The following NWD2 variants were observed in gnomAD, a reference collection of about 807,000 sequenced individuals.
NWD2 encodes the protein NACHT and WD repeat domain containing 2, also known as NACHT and WD repeat domain-containing protein 2.
In NWD2, 37 loss-of-function variants were observed where a neutral mutation model predicts 132.7. That is an observed-to-expected ratio of 0.28 (90% CI 0.21 to 0.37). The LOEUF (loss-of-function observed/expected upper bound fraction) is 0.37. NWD2 is among the 10% of genes least tolerant of loss of function. The pLI, the probability that NWD2 is intolerant of heterozygous loss-of-function variation, is 1.00. For synonymous variants in NWD2, 705 were observed against 803.0 expected, an observed-to-expected ratio of 0.88 and a Z score of 2.06; for missense variants, 1,592 against 2,122.4, an observed-to-expected ratio of 0.75 and a Z score of 4.91.
At chr4:37,324,848 T>C (rs1471969831) in intron 1 of NWD2, among the ~76,000 whole-genome samples, 1 of 152,076 alleles carries the variant, frequency 6.6e-6, no homozygotes, top group Non-Finnish European at 1.5e-5. Flanking sequence ...AGTAGGAAAA[T>C]AGAGTAGGTC....
At chr4:37,292,425 G>A (rs978180867) in intron 1 of NWD2, among the ~76,000 whole-genome samples, 4 of 152,208 alleles carry the variant, frequency 2.6e-5, no homozygotes, top group African/African-American at 7.2e-5. Context: ...TCTATGAAGC[G>A]GAGAGTGACC....
rs146446222 is a variant in NWD2 at position 37,249,998 on chromosome 4, G to A, written c.151+4780G>A. 5.7e-3 allele frequency among the ~76,000 whole-genome samples: 868 copies of A among 152,230 alleles called. 2 individuals carry two copies. Among genetic ancestry groups the A allele is most frequent in the Non-Finnish European group, 8.8e-3 (596 of 68,020 alleles). ...CTTGAACTTGCTTCCCCACACAAAA[G>A]GCAGACATATCTGCATTAAGAAATT... On this transcript the variant is annotated intron_variant, in intron 1 of 6. Transcript: ENST00000309447.
chr4:37,360,271 G>A (rs920513497), intron 3 of NWD2, among the ~76,000 whole-genome samples: 1 of 152,038 alleles, frequency 6.6e-6, no homozygotes, highest in African/African-American at 2.4e-5. Context: ...AACTTAAAAT[G>A]TAATTTATTT....
intron 3 of NWD2, among the ~76,000 whole-genome samples, chr4:37,362,670 G>A (rs1720003973): frequency 6.6e-6 from 1 of 152,056 alleles, no homozygotes; most frequent in Non-Finnish European, 1.5e-5. Flanking sequence ...AAATTAAGAT[G>A]GATTAAAGGT....
intron 3 of NWD2, among the ~76,000 whole-genome samples, chr4:37,394,801 T>TTTTTTTTTTTTTG (rs1720748941): frequency 1.3e-5 from 1 of 79,582 alleles, no homozygotes; most frequent in African/African-American, 4.2e-5. Flanking sequence ...CCTTTATGGT[T>TTTTTTTTTTTTTG]TTTTTTTTTT....
At position 37,446,516 on chromosome 4, in the gene NWD2, G is replaced by A. The variant is rs60116650; in HGVS notation, c.4528G>A (p.Asp1510Asn). The change falls in exon 7 of 7, where the codon GAT (aspartate) becomes AAT (asparagine). Residue 1510 changes from aspartate to asparagine, a missense_variant. Transcript: ENST00000309447. This position sits in a 1 kb window ranked among gnomAD's most constrained non-coding sequence, Gnocchi z 6.7. ...GACTGTGAACATCTGGAGTCTGACA[G>A]ATGAAGTGATCTGTCGGCGCGTGCA... is the stretch of plus-strand genomic sequence containing the variant. ...AETVNIWSLT[D>N]EVICRRVQLP... is the part of the protein sequence containing the mutation. 6.4e-7 allele frequency: 1 copy of A among 1,551,732 alleles called. No individual in the cohort carries two copies. The highest frequency in any genetic ancestry group is 8.7e-7 in the Non-Finnish European group (1 of 1,147,006).
intron 3 of NWD2, among the ~76,000 whole-genome samples, chr4:37,361,467 G>T (rs534262890): frequency 6.6e-6 from 1 of 151,992 alleles, no homozygotes; most frequent in Non-Finnish European, 1.5e-5. Flanking sequence ...ATCCAACAGC[G>T]CATCAAAAAG....
At chr4:37,417,297 A>T (rs1057355390) in intron 3 of NWD2, among the ~76,000 whole-genome samples, 2 of 152,118 alleles carry the variant, frequency 1.3e-5, no homozygotes, top group Non-Finnish European at 2.9e-5. Flanking sequence ...ATGGAATATC[A>T]CAGTTATACA....
chr4:37,415,355 C>A (rs917157054), intron 3 of NWD2, among the ~76,000 whole-genome samples: 1 of 152,136 alleles, frequency 6.6e-6, no homozygotes, highest in Non-Finnish European at 1.5e-5. Flanking sequence ...CGTTCATATT[C>A]CCCCTTCTCA....
chr4:37,433,783 G>A, intron 4 of NWD2, 93 bp from the exon 5 acceptor site: 1 of 938,562 alleles, frequency 1.1e-6, no homozygotes, highest in East Asian at 2.6e-5. Context: ...TTGGCACATA[G>A]TAGGCCTTCA....
At chr4:37,245,862 T>A (rs1577642371) in intron 1 of NWD2, among the ~76,000 whole-genome samples, 1 of 152,158 alleles carries the variant, frequency 6.6e-6, no homozygotes, top group East Asian at 1.9e-4. Context: ...ATCTAAAACT[T>A]GGCCTACTCA....
Position 37,443,653 on chromosome 4 carries a change from A to T in NWD2, c.1665A>T (p.Lys555Asn), listed in dbSNP as rs1052753854. The stretch of plus-strand genomic sequence containing the variant: ...CCAACAAACATGGGATCTTGCAGAA[A>T]CTAAGGTGCCTTATCCATGAAGAAG... ...TLPNKHGILQ[K>N]LRCLIHEEDN... The change falls in exon 7 of 7, where the codon AAA becomes AAT. Residue 555 changes from lysine (K) to asparagine (N), a missense_variant. Physicochemically the swap from Lys to Asn is moderately conservative, Grantham distance 94 (BLOSUM62 0). Around this residue, in one of 7 missense-constraint regions of NWD2, gnomAD observed 1,071 missense variants for 1,398.0 expected, o/e 0.77. Transcript: ENST00000309447. This position sits in a 1 kb window ranked among gnomAD's most constrained non-coding sequence, Gnocchi z 4.1. The T allele has an allele frequency of 3.9e-6, 6 of 1,551,982 alleles. No individual in the cohort carries two copies. The highest frequency in any genetic ancestry group is 5.2e-6 in the Non-Finnish European group (6 of 1,147,128).
chr4:37,311,086 A>G (rs976202244), intron 1 of NWD2, among the ~76,000 whole-genome samples: 56 of 152,202 alleles, frequency 3.7e-4, no homozygotes, highest in Admixed American at 3.0e-3. Flanking sequence ...TAGTGCCACA[A>G]TAAACATACG....
At chr4:37,287,016 G>A (rs188893464) in intron 1 of NWD2, among the ~76,000 whole-genome samples, 98 of 152,304 alleles carry the variant, frequency 6.4e-4, no homozygotes, top group African/African-American at 2.2e-3. Context: ...GTGATCCATG[G>A]AGAGGAAGGA....
At chr4:37,361,211 C>A (rs1719975122) in intron 3 of NWD2, among the ~76,000 whole-genome samples, 1 of 152,056 alleles carries the variant, frequency 6.6e-6, no homozygotes, top group South Asian at 2.1e-4. Context: ...AAGCCCGGAA[C>A]CAGATACATT....
chr4:37,308,266 T>G (rs193076615), intron 1 of NWD2, among the ~76,000 whole-genome samples: 2 of 152,312 alleles, frequency 1.3e-5, no homozygotes, highest in East Asian at 3.9e-4. Flanking sequence ...GGGAAAGACT[T>G]TTTCTGGCAG....
At chr4:37,355,627 A>C (rs1168956096) in intron 2 of NWD2, among the ~76,000 whole-genome samples, 2 of 152,242 alleles carry the variant, frequency 1.3e-5, no homozygotes, top group African/African-American at 2.4e-5. Flanking sequence ...ACAGCAGCTG[A>C]GTGAAGGTAA....
intron 3 of NWD2, among the ~76,000 whole-genome samples, chr4:37,360,962 A>G (rs1481553453): frequency 6.6e-6 from 1 of 152,196 alleles, no homozygotes; most frequent in Non-Finnish European, 1.5e-5. Flanking sequence ...TCAATCAGAA[A>G]CAACAAAGGT....
chr4:37,376,550 C>T (rs1272258926), intron 3 of NWD2, among the ~76,000 whole-genome samples: 2 of 152,142 alleles, frequency 1.3e-5, no homozygotes, highest in African/African-American at 4.8e-5. Context: ...TTATATTAGA[C>T]ATATTGTTCT....
Sources: gnomAD v4.1 joint callset for allele counts (sites outside exome capture counted in the v4.1 genomes callset) on GRCh38, gnomAD v4.1.1 for gene constraint, gnomAD v4.1.1 regional missense constraint, Gnocchi (gnomAD v3.1) non-coding constraint, MANE v1.5 for transcripts, NCBI Gene and HGNC (gene_info 2026-07-23, HGNC 2026-07-21) for gene names.